PCDHA9: variants seen among roughly 807,000 people sequenced by gnomAD.
PCDHA9 encodes the protein protocadherin alpha-9.
Under a neutral mutation model 62.0 loss-of-function variants are expected in PCDHA9, and 62 were observed. The observed-to-expected ratio is 1.00, with a 90% CI of 0.81 to 1.23. The LOEUF (loss-of-function observed/expected upper bound fraction) is 1.23, where lower values mean the gene tolerates loss of function less well. Ranked by LOEUF, PCDHA9 falls within the 50% of genes most tolerant of loss-of-function variation. The pLI is 0.00. For synonymous variants in PCDHA9, 557 were observed against 567.6 expected, an observed-to-expected ratio of 0.98 and a Z score of 0.27; for missense variants, 1,205 against 1,249.8, an observed-to-expected ratio of 0.96 and a Z score of 0.54.
rs2150530926 is a variant in PCDHA9 at position 140,853,336 on chromosome 5, A to G, written c.2394+2447A>G. The G allele has an allele frequency of 4.1e-5, 40 of 984,520 alleles. 4 individuals carry two copies. The highest frequency in any genetic ancestry group is 4.9e-5 in the Non-Finnish European group (40 of 817,056). 61.0% of individuals were successfully genotyped at this position (984,520 alleles called of 1,614,324 possible). A position where few individuals can be genotyped will look rare whatever the true frequency, so the allele number is the denominator to read the frequency against. On this transcript the variant is annotated intron_variant, in intron 1 of 3. Transcript: ENST00000532602. ...AGTAATAAATTTATCTTTTGAGGTC[A>G]TTAGCAAACATGAACTCACAGGGAT...
chr5:140,954,532 GT>G (rs1274213608), intron 1 of PCDHA9, among the ~76,000 whole-genome samples: 7 of 152,088 alleles, frequency 4.6e-5, no homozygotes, highest in Non-Finnish European at 5.9e-5. Context: ...TGATGTTGAG[GT>G]TTTTTTCATA....
intron 1 of PCDHA9, chr5:140,859,929 A>T (rs568538695): frequency 4.2e-4 from 64 of 152,162 alleles, no homozygotes; most frequent in African/African-American, 1.3e-3. Flanking sequence ...TAATATAAAA[A>T]ACTTAGTAAA....
At chr5:140,967,754 T>G (rs782221420) in intron 1 of PCDHA9, 16 of 1,614,164 alleles carry the variant, frequency 9.9e-6, no homozygotes, top group South Asian at 7.7e-5. Flanking sequence ...GGAAGCCTCC[T>G]CCTACCAGAT....
At chr5:140,863,532 T>G (rs1554158313) in intron 1 of PCDHA9, 1 of 390,936 alleles carries the variant, frequency 2.6e-6, no homozygotes, top group Non-Finnish European at 5.0e-6. Context: ...GTTCAGATTT[T>G]GGAGATGGAC....
intron 3 of PCDHA9, among the ~76,000 whole-genome samples, chr5:141,007,961 C>G (rs1554261577): frequency 6.6e-6 from 1 of 152,176 alleles, no homozygotes; most frequent in East Asian, 1.9e-4. Flanking sequence ...TGCTCATTCT[C>G]TGGGTGTCTG....
At chr5:140,866,125 C>T (rs577622922) in intron 1 of PCDHA9, 6 of 152,174 alleles carry the variant, frequency 3.9e-5, no homozygotes, top group East Asian at 1.9e-4. Flanking sequence ...ATAAGAACTA[C>T]GTATCTGTTG....
At chr5:140,925,114 G>T (rs1341892158) in intron 1 of PCDHA9, among the ~76,000 whole-genome samples, 2 of 151,122 alleles carry the variant, frequency 1.3e-5, no homozygotes, top group East Asian at 3.9e-4. Context: ...AGGAGGGAAG[G>T]AAGGAAGGAA....
chr5:140,919,763 A>T (rs2079297949), intron 1 of PCDHA9, among the ~76,000 whole-genome samples: 2 of 152,090 alleles, frequency 1.3e-5, no homozygotes, highest in African/African-American at 4.8e-5. Flanking sequence ...TGCCTTTTGT[A>T]TTACTGTTAC....
chr5:140,871,007 C>T (rs1554164969), intron 1 of PCDHA9: 1 of 1,613,314 alleles, frequency 6.2e-7, no homozygotes, highest in South Asian at 1.1e-5. Context: ...ACAACGCGTG[C>T]CCTGGACGAG....
At chr5:140,995,687 G>C (rs983290111) in intron 3 of PCDHA9, among the ~76,000 whole-genome samples, 3 of 152,062 alleles carry the variant, frequency 2.0e-5, no homozygotes, top group Admixed American at 6.5e-5. Context: ...TTTTTTAATT[G>C]TTAAATAAAG....
intron 1 of PCDHA9, chr5:140,864,601 A>C (rs2048532983): frequency 6.6e-6 from 1 of 152,200 alleles, no homozygotes; most frequent in Non-Finnish European, 1.5e-5. Context: ...TCAGATAGCC[A>C]ACAACTTTGT....
intron 1 of PCDHA9, chr5:140,875,972 T>G: frequency 6.2e-7 from 1 of 1,614,068 alleles, no homozygotes; most frequent in Non-Finnish European, 8.5e-7. Context: ...GTAAACTCTC[T>G]TTTGACCTAT....
At chr5:140,978,246 C>G (rs1243560833) in intron 1 of PCDHA9, among the ~76,000 whole-genome samples, 1 of 152,148 alleles carries the variant, frequency 6.6e-6, no homozygotes, top group Admixed American at 6.5e-5. Context: ...TCAGCTACTC[C>G]CTGTTAAACA....
intron 1 of PCDHA9, chr5:140,929,943 A>C (rs996777609): frequency 1.3e-5 from 2 of 152,224 alleles, no homozygotes; most frequent in African/African-American, 4.8e-5. Flanking sequence ...TCTCTAGCCT[A>C]TACTTTTAAT....
At chr5:140,869,233 T>C in intron 1 of PCDHA9, 1 of 1,613,700 alleles carries the variant, frequency 6.2e-7, no homozygotes, top group Non-Finnish European at 8.5e-7. Context: ...ACACGGCACC[T>C]TCGTGGGCCG....
chr5:140,928,863 C>T (rs1554206433), intron 1 of PCDHA9: 8 of 1,614,172 alleles, frequency 5.0e-6, no homozygotes, highest in Middle Eastern at 1.7e-4. Context: ...TGCTGTTGAG[C>T]AACTCTGTCC....
In PCDHA9 at chr5:141,009,782, C is replaced by G; in HGVS notation, c.2698C>G (p.Arg900Gly). ...AGGATCTCCTGCAATCATCTCCATC[C>G]GGCAGGAGCCTACTAACAGCCAAAT... ...IPGSPAIISI[R>G]QEPTNSQIDK... Residue 900 changes from arginine to glycine, a missense_variant, in exon 4 of 4, where the codon CGG becomes GGG. By Grantham distance (125) the Arg-to-Gly change is moderately radical. Around this residue, in one of 3 missense-constraint regions of PCDHA9, gnomAD observed 887 missense variants for 809.5 expected, o/e 1.10. Transcript: ENST00000532602. 1.2e-6 allele frequency: 2 copies of G among 1,614,074 alleles called. No homozygotes were observed. Among genetic ancestry groups the G allele is most frequent in the Non-Finnish European group, 1.7e-6 (2 of 1,180,012 alleles).
chr5:141,005,287 A>AT (rs1405339052), intron 3 of PCDHA9, among the ~76,000 whole-genome samples: 5 of 152,162 alleles, frequency 3.3e-5, no homozygotes, highest in Admixed American at 1.3e-4. Context: ...AAACAGATAC[A>AT]TTTTTTGCCT....
At chr5:140,884,569 G>A (rs144735555) in intron 1 of PCDHA9, 2 of 1,614,008 alleles carry the variant, frequency 1.2e-6, no homozygotes, top group East Asian at 2.2e-5. Context: ...CGCATAAGAC[G>A]GACCTCATGG....
Sources: gnomAD v4.1 joint callset for allele counts (sites outside exome capture counted in the v4.1 genomes callset) on GRCh38, gnomAD v4.1.1 for gene constraint, gnomAD v4.1.1 regional missense constraint, MANE v1.5 for transcripts, NCBI Gene and HGNC (gene_info 2026-07-23, HGNC 2026-07-21) for gene names.